The following SLC60A1 variants were observed in gnomAD, a reference collection of about 807,000 sequenced individuals.
SLC60A1 encodes major facilitator superfamily domain containing 4.
the SLC60A1 span, among the ~76,000 whole-genome samples, chr1:205,591,283 G>A: frequency 6.6e-6 from 1 of 152,074 alleles, no homozygotes; most frequent in Admixed American, 6.5e-5. Context: ...AGAAGTTCAA[G>A]ACCAGCCTGG....
At chr1:205,577,413 G>A in the SLC60A1 span, among the ~76,000 whole-genome samples, 1 of 152,224 alleles carries the variant, frequency 6.6e-6, no homozygotes, top group African/African-American at 2.4e-5. The surrounding 1 kb of genome is among the most constrained non-coding windows in gnomAD (Gnocchi z 5.2). Flanking sequence ...CATGGGGCCA[G>A]GCATGGCTTC....
the SLC60A1 span, among the ~76,000 whole-genome samples, chr1:205,587,838 C>T: frequency 6.6e-6 from 1 of 152,130 alleles, no homozygotes; most frequent in Non-Finnish European, 1.5e-5. Flanking sequence ...ATGGGGCCAG[C>T]CCTGGCTTCC....
the SLC60A1 span, among the ~76,000 whole-genome samples, chr1:205,589,999 T>C: frequency 6.6e-6 from 1 of 152,200 alleles, no homozygotes; most frequent in African/African-American, 2.4e-5. Context: ...GACACAGGAC[T>C]TGAGCAACTG....
chr1:205,584,944 A>G, the SLC60A1 span: 18 of 1,614,010 alleles, frequency 1.1e-5, no homozygotes, highest in Admixed American at 6.7e-5. Flanking sequence ...CTTCTTTGCC[A>G]TCCACATCAC....
At chr1:205,586,018 C>T in the SLC60A1 span, 2 of 1,573,944 alleles carry the variant, frequency 1.3e-6, no homozygotes, top group African/African-American at 1.4e-5. Flanking sequence ...CTCAACAGCG[C>T]CCGGTCTCTC....
At chr1:205,573,009 T>G in the SLC60A1 span, among the ~76,000 whole-genome samples, 1 of 152,178 alleles carries the variant, frequency 6.6e-6, no homozygotes, top group South Asian at 2.1e-4. Flanking sequence ...TGCCTTGTTG[T>G]TCCAGCTACC....
At chr1:205,597,660 T>C in the SLC60A1 span, 1 of 959,290 alleles carries the variant, frequency 1.0e-6, no homozygotes, top group Non-Finnish European at 1.7e-6. Flanking sequence ...ACTCCTAAAG[T>C]ACTGGGATGT....
chr1:205,579,933 C>T, the SLC60A1 span: 1 of 1,613,382 alleles, frequency 6.2e-7, no homozygotes, highest in Non-Finnish European at 8.5e-7. Context: ...CAGAAGGACT[C>T]GGCCGTCTTC....
the SLC60A1 span, among the ~76,000 whole-genome samples, chr1:205,590,669 G>C: frequency 3.7e-4 from 57 of 152,212 alleles, no homozygotes; most frequent in African/African-American, 1.3e-3. Context: ...TTTCCTTTCT[G>C]CATGCCCAGA....
chr1:205,570,095 A>C, the SLC60A1 span, among the ~76,000 whole-genome samples: 1 of 152,074 alleles, frequency 6.6e-6, no homozygotes. Flanking sequence ...CTGCCCCACG[A>C]CAGGGCTCTG....
At chr1:205,588,904 G>T in the SLC60A1 span, among the ~76,000 whole-genome samples, 1 of 141,924 alleles carries the variant, frequency 7.0e-6, no homozygotes, top group East Asian at 2.0e-4. Flanking sequence ...ACAGATGGAG[G>T]GTGAGGGTGT....
the SLC60A1 span, chr1:205,569,050 C>A: frequency 1.4e-6 from 2 of 1,447,490 alleles, no homozygotes; most frequent in East Asian, 6.2e-5. Context: ...ACCAGATCCG[C>A]GAGCCCGTCA....
chr1:205,584,018 C>A, the SLC60A1 span: 1 of 1,614,074 alleles, frequency 6.2e-7, no homozygotes. Flanking sequence ...CTGCTGTCCC[C>A]AGAGGAGGCC....
the SLC60A1 span, among the ~76,000 whole-genome samples, chr1:205,578,341 G>A: frequency 6.6e-6 from 1 of 152,164 alleles, no homozygotes; most frequent in Non-Finnish European, 1.5e-5. Context: ...ATGATGAGCA[G>A]CCTGCTGTTT....
the SLC60A1 span, chr1:205,585,091 G>T: frequency 1.0e-6 from 1 of 993,510 alleles, no homozygotes. The surrounding 1 kb of genome is among the most constrained non-coding windows in gnomAD (Gnocchi z 4.2). Context: ...AAGGTTTCCT[G>T]GAGACTTCTC....
At chr1:205,591,500 A>G in the SLC60A1 span, among the ~76,000 whole-genome samples, 5 of 133,544 alleles carry the variant, frequency 3.7e-5, no homozygotes, top group Non-Finnish European at 8.9e-5. Flanking sequence ...AAAAAAAAAA[A>G]AAGGAAAGAA....
At chr1:205,587,887 G>A in the SLC60A1 span, among the ~76,000 whole-genome samples, 1 of 152,186 alleles carries the variant, frequency 6.6e-6, no homozygotes, top group Non-Finnish European at 1.5e-5. Flanking sequence ...CTAAGACAGA[G>A]GAGAGTGGGT....
chr1:205,585,015 C>T, the SLC60A1 span: 2 of 1,597,888 alleles, frequency 1.3e-6, no homozygotes, highest in Middle Eastern at 3.3e-4. The surrounding 1 kb of genome is among the most constrained non-coding windows in gnomAD (Gnocchi z 4.2). Context: ...AGAGGGCGCC[C>T]CCTACTGGGG....
the SLC60A1 span, among the ~76,000 whole-genome samples, chr1:205,572,068 G>A: frequency 3.9e-5 from 6 of 152,282 alleles, no homozygotes; most frequent in East Asian, 1.9e-4. Flanking sequence ...GGAGGACTAC[G>A]TGTGGAAGGT....
Sources: allele counts gnomAD v4.1 joint callset (sites outside exome capture counted in the v4.1 genomes callset), GRCh38; gene constraint gnomAD v4.1.1; non-coding constraint Gnocchi (gnomAD v3.1); transcripts MANE v1.5; gene names NCBI Gene and HGNC (gene_info 2026-07-23, HGNC 2026-07-21).